Variants in MAD1L1 observed in about 807,000 individuals in gnomAD.
MAD1L1 encodes the protein mitotic spindle assembly checkpoint protein MAD1.
MAD1L1 carries 95 observed loss-of-function variants against 96.9 expected under a neutral mutation model. That is an observed-to-expected ratio of 0.98 (90% CI 0.83 to 1.16). The LOEUF (loss-of-function observed/expected upper bound fraction) is 1.16. MAD1L1 is among the 50% of genes most tolerant of loss of function. The probability of loss-of-function intolerance (pLI) is 0.00; values close to 1 mark genes in which losing one functional copy is unlikely to be tolerated. For missense variants in MAD1L1, 1,007 were observed against 954.4 expected (o/e 1.06, Z -0.73); for synonymous variants, 473 against 396.6 (o/e 1.19, Z -2.29).
intron 15 of MAD1L1, among the ~76,000 whole-genome samples, chr7:1,961,018 C>T (rs1779929380): frequency 6.6e-6 from 1 of 152,158 alleles, no homozygotes; most frequent in African/African-American, 2.4e-5. Context: ...GCATCCAACA[C>T]CATGAAATAC....
At chr7:1,982,075 G>A (rs527480324) in intron 14 of MAD1L1, among the ~76,000 whole-genome samples, 4 of 152,124 alleles carry the variant, frequency 2.6e-5, no homozygotes, top group Admixed American at 2.0e-4. Flanking sequence ...GGAGGCTGCT[G>A]GTGCGCATGC....
intron 11 of MAD1L1, among the ~76,000 whole-genome samples, chr7:2,148,059 G>A (rs905838250): frequency 2.6e-5 from 4 of 152,232 alleles, no homozygotes; most frequent in African/African-American, 4.8e-5. Context: ...TCTGACAGCG[G>A]CTTTGAAAGC....
At chr7:1,975,082 G>C (rs934141516) in intron 15 of MAD1L1, among the ~76,000 whole-genome samples, 1 of 152,230 alleles carries the variant, frequency 6.6e-6, no homozygotes, top group Non-Finnish European at 1.5e-5. Flanking sequence ...TGGTGGTCAC[G>C]GGCCTGCTGA....
At chr7:2,212,383 C>T (rs537511007) in intron 10 of MAD1L1, among the ~76,000 whole-genome samples, 4 of 152,274 alleles carry the variant, frequency 2.6e-5, no homozygotes, top group African/African-American at 7.2e-5. Context: ...GGGTGAGAAC[C>T]GTTTGGATCT....
chr7:1,918,211 G>A (rs1023513239), intron 17 of MAD1L1, among the ~76,000 whole-genome samples: 2 of 152,106 alleles, frequency 1.3e-5, no homozygotes, highest in Admixed American at 6.5e-5. Flanking sequence ...GAAGCCCCAC[G>A]ATGGCCCAGT....
At chr7:1,988,370 C>T (rs1457204692) in intron 14 of MAD1L1, among the ~76,000 whole-genome samples, 1 of 152,214 alleles carries the variant, frequency 6.6e-6, no homozygotes, top group Admixed American at 6.5e-5. Flanking sequence ...ATCCCCACCA[C>T]AGGGACCTGA....
chr7:1,818,251 G>A (rs1781931491), intron 18 of MAD1L1, among the ~76,000 whole-genome samples: 1 of 152,116 alleles, frequency 6.6e-6, no homozygotes, highest in Non-Finnish European at 1.5e-5. Flanking sequence ...ACCCAGGGCT[G>A]GCAACCTGGC....
At chr7:2,116,986 G>A (rs566534986) in intron 11 of MAD1L1, among the ~76,000 whole-genome samples, 6 of 152,352 alleles carry the variant, frequency 3.9e-5, no homozygotes, top group Non-Finnish European at 7.4e-5. Context: ...GGCACCACCC[G>A]AAGACAAGGA....
At chr7:2,201,052 A>G (rs1792267204) in intron 10 of MAD1L1, among the ~76,000 whole-genome samples, 1 of 152,220 alleles carries the variant, frequency 6.6e-6, no homozygotes, top group African/African-American at 2.4e-5. Context: ...TGACAGCTAC[A>G]GCTGGCTGCA....
At chr7:2,132,669 T>C (rs1426329833) in intron 11 of MAD1L1, among the ~76,000 whole-genome samples, 1 of 152,262 alleles carries the variant, frequency 6.6e-6, no homozygotes. Context: ...GACTGTCCTC[T>C]TTCACTGTGC....
At chr7:1,862,678 TTATTTACTTAG>T (rs1784589851) in intron 18 of MAD1L1, among the ~76,000 whole-genome samples, 3 of 152,216 alleles carry the variant, frequency 2.0e-5, no homozygotes, top group Admixed American at 1.3e-4. Context: ...TACAGGCCTG[TTATTTACTTAG>T]TATTTTCTTT....
intron 10 of MAD1L1, among the ~76,000 whole-genome samples, chr7:2,176,705 G>A (rs968102665): frequency 6.6e-6 from 1 of 151,486 alleles, no homozygotes; most frequent in African/African-American, 2.4e-5. Context: ...TGTCAACATA[G>A]TAAACTATAC....
intron 18 of MAD1L1, chr7:1,847,730 T>G (rs921896989): frequency 2.1e-6 from 1 of 469,588 alleles, no homozygotes; most frequent in Non-Finnish European, 4.4e-6. Context: ...CGCTTCGGCG[T>G]CCCTGGGCCC....
intron 16 of MAD1L1, among the ~76,000 whole-genome samples, chr7:1,945,421 G>A (rs1256569758): frequency 6.6e-6 from 1 of 152,252 alleles, no homozygotes; most frequent in African/African-American, 2.4e-5. Context: ...GGTGGCTAGA[G>A]TGGTTAGAGT....
intron 10 of MAD1L1, among the ~76,000 whole-genome samples, chr7:2,208,396 T>G (rs1378252267): frequency 6.6e-6 from 1 of 152,200 alleles, no homozygotes; most frequent in African/African-American, 2.4e-5. Context: ...CCATCTTTTC[T>G]TTTTGCTTCC....
At chr7:1,922,295 C>T (rs762031023) in intron 17 of MAD1L1, among the ~76,000 whole-genome samples, 1 of 152,270 alleles carries the variant, frequency 6.6e-6, no homozygotes, top group African/African-American at 2.4e-5. Flanking sequence ...TTCACACAGA[C>T]CTCCCACGCC....
In MAD1L1 at chr7:2,168,726, C is replaced by T. The variant is rs1384183651; in HGVS notation, c.987-19488G>A. Among the ~76,000 whole-genome samples, 6 of 152,346 alleles carry T rather than the reference C, an allele frequency of 3.9e-5. No individual in the cohort carries two copies. In the East Asian group the frequency reaches 9.6e-4, roughly 24 times the overall value. The stretch of plus-strand genomic sequence containing the variant: ...CGATACTCCCGCGTGGAGGGCGCCA[C>T]GAGGTCAAGGTCCTGAGGCCGGAAC... On this transcript the variant is annotated intron_variant, in intron 10 of 18. Transcript: ENST00000265854.
At chr7:1,834,687 A>G (rs1389746555) in intron 18 of MAD1L1, among the ~76,000 whole-genome samples, 1 of 152,238 alleles carries the variant, frequency 6.6e-6, no homozygotes, top group Non-Finnish European at 1.5e-5. Context: ...TGGATCAACT[A>G]TTTAAAAAAG....
At chr7:2,165,342 T>G (rs1790373763) in intron 10 of MAD1L1, among the ~76,000 whole-genome samples, 1 of 152,194 alleles carries the variant, frequency 6.6e-6, no homozygotes, top group Non-Finnish European at 1.5e-5. Context: ...GATAGAAGTG[T>G]GTTATCTGGA....
Sources: allele counts gnomAD v4.1 joint callset (sites outside exome capture counted in the v4.1 genomes callset), GRCh38; gene constraint gnomAD v4.1.1; transcripts MANE v1.5; gene names NCBI Gene and HGNC (gene_info 2026-07-23, HGNC 2026-07-21).